BANK1: variants seen among roughly 807,000 people sequenced by gnomAD.
The protein encoded by BANK1 is B-cell scaffold protein with ankyrin repeats.
A neutral mutation model predicts 94.5 loss-of-function variants in BANK1; 95 were observed. The observed-to-expected ratio is 1.00, with a 90% CI of 0.85 to 1.19. BANK1 has a LOEUF of 1.19. Ranked by LOEUF, BANK1 falls within the 50% of genes most tolerant of loss-of-function variation. The pLI, the probability that BANK1 is intolerant of heterozygous loss-of-function variation, is 0.00. For synonymous variants in BANK1, 334 were observed against 308.4 expected, an observed-to-expected ratio of 1.08 and a Z score of -0.87; for missense variants, 987 against 932.2, an observed-to-expected ratio of 1.06 and a Z score of -0.77.
In BANK1 at chr4:101,855,153, A is replaced by G. The variant is rs146193041; in HGVS notation, c.588A>G (p.Pro196=). 20 of 1,613,356 alleles carry G rather than the reference A, an allele frequency of 1.2e-5. No individual in the cohort carries two copies. Among genetic ancestry groups the G allele is most frequent in the Non-Finnish European group, 1.5e-5 (18 of 1,179,576 alleles). The change falls in exon 3 of 17, where the codon CCA becomes CCG. Residue 196 remains proline (P), a synonymous_variant. Coordinates refer to ENST00000322953, the MANE Select transcript of BANK1 (RefSeq NM_017935.5). ...CAGAAGCTTCAAGAAACACCATACC[A>G]CTAGCAGTGGTGCTTCCCACTGAAA... is the stretch of plus-strand genomic sequence containing the variant. ...ELSEASRNTI[P]LAVVLPTEIP...
intron 1 of BANK1, among the ~76,000 whole-genome samples, chr4:101,806,837 C>G (rs1351537634): frequency 6.6e-6 from 1 of 152,124 alleles, no homozygotes; most frequent in Non-Finnish European, 1.5e-5. Flanking sequence ...CTCCTGTGCT[C>G]AATTCAGGGG....
chr4:101,870,677 T>A, intron 5 of BANK1, 33 bp downstream of exon 5: 1 of 1,596,430 alleles, frequency 6.3e-7, no homozygotes. Flanking sequence ...TTAATCATAA[T>A]GTAAGCTGAA....
At chr4:102,060,966 T>C (rs536363019) in intron 12 of BANK1, among the ~76,000 whole-genome samples, 1 of 152,278 alleles carries the variant, frequency 6.6e-6, no homozygotes, top group Admixed American at 6.5e-5. Flanking sequence ...AAACAAAATA[T>C]ACCACACACA....
intron 7 of BANK1, among the ~76,000 whole-genome samples, chr4:101,986,819 ATGTG>A (rs1164994078): frequency 1.5e-5 from 2 of 136,652 alleles, no homozygotes; most frequent in South Asian, 4.7e-4. Context: ...ATGTATATAT[ATGTG>A]TATATATATG....
chr4:101,936,052 A>G (rs969180907), intron 7 of BANK1, among the ~76,000 whole-genome samples: 3 of 151,402 alleles, frequency 2.0e-5, no homozygotes, highest in African/African-American at 7.3e-5. Context: ...GCAAAATTGG[A>G]CCACACCAAG....
At chr4:102,007,575 G>T (rs568528971) in intron 7 of BANK1, among the ~76,000 whole-genome samples, 32 of 152,118 alleles carry the variant, frequency 2.1e-4, no homozygotes, top group Non-Finnish European at 3.7e-4. Flanking sequence ...ACAAAACGTA[G>T]ACAAATGTAA....
At chr4:101,799,142 G>A (rs1468303635) in intron 1 of BANK1, among the ~76,000 whole-genome samples, 1 of 152,148 alleles carries the variant, frequency 6.6e-6, no homozygotes, top group African/African-American at 2.4e-5. Context: ...TTTTGTGTAA[G>A]GTGTAAGGAA....
chr4:101,868,896 G>A (rs1421754195), intron 4 of BANK1, among the ~76,000 whole-genome samples: 1 of 151,800 alleles, frequency 6.6e-6, no homozygotes, highest in Non-Finnish European at 1.5e-5. Flanking sequence ...TAACAAATAT[G>A]AGAATGTATA....
chr4:101,977,692 T>C (rs1725182708), intron 7 of BANK1, among the ~76,000 whole-genome samples: 1 of 152,112 alleles, frequency 6.6e-6, no homozygotes, highest in Non-Finnish European at 1.5e-5. Flanking sequence ...ATTACATGAA[T>C]TACCATCCTG....
At chr4:102,010,342 A>C (rs1374118634) in intron 7 of BANK1, among the ~76,000 whole-genome samples, 1 of 151,226 alleles carries the variant, frequency 6.6e-6, no homozygotes, top group Non-Finnish European at 1.5e-5. Flanking sequence ...TTCTCAAGAG[A>C]TTGAGCTTTG....
intron 7 of BANK1, among the ~76,000 whole-genome samples, chr4:101,997,786 A>G (rs943071657): frequency 4.6e-5 from 7 of 151,418 alleles, no homozygotes; most frequent in African/African-American, 7.3e-5. Flanking sequence ...GTCATTTTTG[A>G]TTGTGTCTAT....
chr4:101,908,371 G>T lies in BANK1; in HGVS notation c.1010-9622G>T, dbSNP rs573643284. 2.9e-4 allele frequency among the ~76,000 whole-genome samples: 44 copies of T among 152,282 alleles called. 2 individuals carry two copies. In the East Asian group the frequency reaches 7.9e-3, roughly 27 times the overall value. ...CAGCCATATGTAGAAAGCTGAAACTGGATCCCTTCCTTATACCTTATACAA... is the reference window on the plus strand; with the variant it reads ...CAGCCATATGTAGAAAGCTGAAACTTGATCCCTTCCTTATACCTTATACAA... On this transcript the variant is annotated intron_variant, in intron 6 of 16. Transcript: ENST00000322953.
rs1311406284 is a variant in BANK1, at chr4:101,920,114, C to G, written c.1206+1925C>G. Reference sequence around the variant, plus strand: ...GAAACCATCATGCTCAGCAAACTATCGCAAGGACAAAAAACCAAACACCGC... The same window carrying G: ...GAAACCATCATGCTCAGCAAACTATGGCAAGGACAAAAAACCAAACACCGC... On this transcript the variant is annotated intron_variant, in intron 7 of 16. Transcript: ENST00000322953. Among the ~76,000 whole-genome samples the G allele has an allele frequency of 2.0e-5, 3 of 151,930 alleles. 1 individual carries two copies. In the East Asian group the frequency reaches 5.8e-4, roughly 30 times the overall value.
chr4:102,010,915 G>GT (rs1341320905), intron 7 of BANK1, among the ~76,000 whole-genome samples: 5 of 152,082 alleles, frequency 3.3e-5, no homozygotes, highest in Admixed American at 2.6e-4. Context: ...TAAACAGAAT[G>GT]TTAGTAGAGT....
chr4:101,927,700 T>G (rs531664062), intron 7 of BANK1, among the ~76,000 whole-genome samples: 1 of 151,752 alleles, frequency 6.6e-6, no homozygotes, highest in African/African-American at 2.4e-5. Context: ...TATTTCCAAG[T>G]ATGTTGGTAG....
chr4:101,809,868 C>T (rs185351584), intron 1 of BANK1, among the ~76,000 whole-genome samples: 20 of 152,284 alleles, frequency 1.3e-4, no homozygotes, highest in Middle Eastern at 3.4e-3. Context: ...AACAATGGTA[C>T]CTCAAAAGTG....
At chr4:101,867,976 A>G (rs1018461111) in intron 4 of BANK1, among the ~76,000 whole-genome samples, 3 of 151,886 alleles carry the variant, frequency 2.0e-5, no homozygotes, top group Admixed American at 6.6e-5. Flanking sequence ...GAACTACTTA[A>G]GTTTAGTGAA....
chr4:102,070,340 A>C (rs1728720120), intron 13 of BANK1, among the ~76,000 whole-genome samples: 2 of 152,074 alleles, frequency 1.3e-5, no homozygotes, highest in Admixed American at 6.5e-5. Flanking sequence ...TTGGGAAGTG[A>C]GCATGCGCAG....
intron 5 of BANK1, among the ~76,000 whole-genome samples, chr4:101,891,003 A>G (rs1329044749): frequency 6.6e-6 from 1 of 152,086 alleles, no homozygotes; most frequent in Non-Finnish European, 1.5e-5. Flanking sequence ...CACATAAGAC[A>G]GTGTTATACC....
Sources: allele counts gnomAD v4.1 joint callset (sites outside exome capture counted in the v4.1 genomes callset), GRCh38; gene constraint gnomAD v4.1.1; transcripts MANE v1.5; gene names NCBI Gene and HGNC (gene_info 2026-07-23, HGNC 2026-07-21).